The following CCT6B variants were observed in gnomAD, a reference collection of about 807,000 sequenced individuals.
The protein encoded by CCT6B is chaperonin containing TCP1 subunit 6B, also known as probable T-complex protein 1 subunit zeta-2.
In CCT6B, 49 loss-of-function variants were observed where a neutral mutation model predicts 61.5. The observed-to-expected ratio is 0.80, with a 90% CI of 0.63 to 1.01. The LOEUF is 1.01. Ranked by LOEUF, CCT6B falls within the 50% of genes least tolerant of loss-of-function variation. The pLI, the probability that CCT6B is intolerant of heterozygous loss-of-function variation, is 0.00. For missense variants in CCT6B, 666 were observed against 634.7 expected (o/e 1.05, Z -0.53); for synonymous variants, 228 against 214.5 (o/e 1.06, Z -0.55).
At chr17:34,931,920 A>C (rs1232480795) in intron 11 of CCT6B, among the ~76,000 whole-genome samples, 2 of 152,194 alleles carry the variant, frequency 1.3e-5, no homozygotes, top group Non-Finnish European at 2.9e-5. Flanking sequence ...AATTATAATG[A>C]TGATGACAAA....
chr17:34,932,261 A>C, intron 11 of CCT6B, 106 bp downstream of exon 11: 1 of 1,006,166 alleles, frequency 9.9e-7, no homozygotes, highest in Non-Finnish European at 1.4e-6. Context: ...AAGGAAATGC[A>C]CATAAATACC....
intron 10 of CCT6B, among the ~76,000 whole-genome samples, chr17:34,937,586 C>A (rs941532800): frequency 3.3e-5 from 5 of 152,024 alleles, no homozygotes; most frequent in Admixed American, 6.6e-5. Context: ...GAATCACAGA[C>A]CTAAATGTAA....
At chr17:34,952,776 A>C (rs2090306172) in intron 4 of CCT6B, among the ~76,000 whole-genome samples, 1 of 152,358 alleles carries the variant, frequency 6.6e-6, no homozygotes, top group South Asian at 2.1e-4. Context: ...CTACCCTAAA[A>C]TATACATAAA....
Position 34,939,270 on chromosome 17 carries a change from CCAACAAG to C in CCT6B, c.1119_1125del (p.Leu375LysfsTer15), listed in dbSNP as rs777459383. ...AGAGTATGCTTATTTGGTCCTTTAA[CCAACAAG>C]GTAACAGAGCAAGGGTTAACACACT... On this transcript the variant is annotated frameshift_variant, in exon 10 of 14. Transcript: ENST00000314144. LOFTEE classifies it high-confidence loss of function. 2.5e-6 allele frequency: 4 copies of C among 1,613,814 alleles called. No individual in the cohort carries two copies. The highest frequency in any genetic ancestry group is 2.2e-5 in the South Asian group (2 of 91,062).
Position 34,961,378 on chromosome 17 carries a change from C to T in CCT6B, c.16G>A (p.Ala6Thr). The change falls in exon 1 of 14, where the codon GCC (alanine) becomes ACC (threonine). Residue 6 changes from alanine to threonine, a missense_variant. Physicochemically the swap from Ala to Thr is moderately conservative, Grantham distance 58. Coordinates refer to ENST00000314144, the MANE Select transcript of CCT6B (RefSeq NM_006584.4). ...GCCACCTCAGCCTTGGAGTTGACGGCCTTTATCGCAGCCATAGCCTAACCG... is the reference window on the plus strand; with the variant it reads ...GCCACCTCAGCCTTGGAGTTGACGGTCTTTATCGCAGCCATAGCCTAACCG... MAAIK[A>T]VNSKAEVARA... 7.5e-6 allele frequency: 12 copies of T among 1,609,718 alleles called. No homozygotes were observed. The highest frequency in any genetic ancestry group is 1.0e-5 in the Non-Finnish European group (12 of 1,179,222).
chr17:34,934,625 T>C (rs1225225388), intron 10 of CCT6B, among the ~76,000 whole-genome samples: 1 of 152,180 alleles, frequency 6.6e-6, no homozygotes, highest in Non-Finnish European at 1.5e-5. Context: ...AACAAAACCT[T>C]TATAGCCCTA....
intron 10 of CCT6B, among the ~76,000 whole-genome samples, chr17:34,932,995 T>G (rs1298547737): frequency 6.6e-6 from 1 of 152,188 alleles, no homozygotes; most frequent in Non-Finnish European, 1.5e-5. Flanking sequence ...TTGGCCAGGC[T>G]GGTCTTGAAC....
chr17:34,960,131 A>G (rs964782650), intron 1 of CCT6B, among the ~76,000 whole-genome samples: 3 of 152,206 alleles, frequency 2.0e-5, no homozygotes, highest in South Asian at 2.1e-4. Flanking sequence ...TGGCATCCGG[A>G]TATCTCCAAA....
Position 34,939,229 on chromosome 17 carries a change from A to C in CCT6B, c.1167T>G (p.Asp389Glu). 2 of 1,613,980 alleles carry C rather than the reference A, an allele frequency of 1.2e-6. No individual in the cohort carries two copies. The highest frequency in any genetic ancestry group is 8.5e-7 in the Non-Finnish European group (1 of 1,179,920). The change falls in exon 10 of 14, where the codon GAT becomes GAG. Residue 389 changes from aspartate to glutamate, a missense_variant. Asp to Glu is a conservative substitution (Grantham distance 45). Coordinates refer to ENST00000314144, the MANE Select transcript of CCT6B (RefSeq NM_006584.4). ...TAGCACGAAGTCCATCTCTTATGGCATCCTTGACTTGTGTGAGAGTATGCT... is the reference window on the plus strand; with the variant it reads ...TAGCACGAAGTCCATCTCTTATGGCCTCCTTGACTTGTGTGAGAGTATGCT... ...PNKHTLTQVK[D>E]AIRDGLRAIK...
In CCT6B at chr17:34,939,645, T is replaced by A; in HGVS notation, c.1037A>T (p.His346Leu). The change falls in exon 9 of 14, where the codon CAT becomes CTT. Residue 346 changes from histidine (H) to leucine (L), a missense_variant. Transcript: ENST00000314144. ...FEDLTVDCLG[H>L]AGLVYEYTLG... ...TGTATACTCATACACAAGACCAGCA[T>A]GTCCCAAGCAATCTACAGTGAGATC... The A allele has an allele frequency of 6.2e-7, 1 of 1,611,954 alleles. No individual in the cohort carries two copies. The highest frequency in any genetic ancestry group is 1.1e-5 in the South Asian group (1 of 91,052).
At chr17:34,929,666 A>T (rs2090013200) in intron 12 of CCT6B, among the ~76,000 whole-genome samples, 1 of 151,420 alleles carries the variant, frequency 6.6e-6, no homozygotes, top group East Asian at 1.9e-4. Context: ...GGGGCCTGCC[A>T]CCATCCCCGG....
intron 5 of CCT6B, chr17:34,944,072 T>G (rs2090196972): frequency 2.0e-5 from 3 of 152,186 alleles, no homozygotes; most frequent in Admixed American, 2.0e-4. Flanking sequence ...TTTTCAAAAT[T>G]TTACTTTAAC....
intron 10 of CCT6B, among the ~76,000 whole-genome samples, chr17:34,933,864 C>T (rs1040360116): frequency 6.6e-6 from 1 of 152,108 alleles, no homozygotes; most frequent in Non-Finnish European, 1.5e-5. Flanking sequence ...TCTGGTGGCT[C>T]GCTCCTATAA....
chr17:34,943,285 A>T (rs866992872), intron 5 of CCT6B: 26 of 156,386 alleles, frequency 1.7e-4, no homozygotes, highest in South Asian at 2.0e-4. Flanking sequence ...TCAAGCCAGA[A>T]TTATTTTCTA....
chr17:34,929,148 A>G, intron 12 of CCT6B, 114 bp from the exon 13 acceptor site: 4 of 660,082 alleles, frequency 6.1e-6, no homozygotes, highest in Non-Finnish European at 8.1e-6. Flanking sequence ...CAAGGTCATC[A>G]ATGACCTCCA....
chr17:34,933,437 A>C (rs2090058804), intron 10 of CCT6B, among the ~76,000 whole-genome samples: 1 of 152,150 alleles, frequency 6.6e-6, no homozygotes, highest in Admixed American at 6.5e-5. Flanking sequence ...CTTTTATCTC[A>C]CATCATTTTA....
At chr17:34,949,582 T>A (rs2090268901) in intron 5 of CCT6B, 1 of 152,072 alleles carries the variant, frequency 6.6e-6, no homozygotes, top group South Asian at 2.1e-4. Flanking sequence ...CAACAGCTTT[T>A]AACATGTAAA....
chr17:34,939,713 T>C lies in CCT6B; in HGVS notation c.969A>G (p.Arg323=), dbSNP rs770828144. The stretch of plus-strand genomic sequence containing the variant: ...CCATTCCACCACAAGCAAGAGAGAG[T>C]CTGAAATTACATATATGTCACCATA... ...LRRAKRRNME[R]LSLACGGMAV... The change falls in exon 9 of 14, where the codon AGA becomes AGG. Residue 323 remains arginine, a splice_region_variant and synonymous_variant. Transcript: ENST00000314144. 1 of 1,597,250 alleles carries C rather than the reference T, an allele frequency of 6.3e-7. No homozygotes were observed. Among genetic ancestry groups the C allele is most frequent in the East Asian group, 2.2e-5 (1 of 44,734 alleles).
intron 10 of CCT6B, among the ~76,000 whole-genome samples, chr17:34,937,226 AT>A: frequency 6.6e-6 from 1 of 152,154 alleles, no homozygotes; most frequent in Non-Finnish European, 1.5e-5. Context: ...TGATTCTAAA[AT>A]TCATATGGAA....
Sources: allele counts gnomAD v4.1 joint callset (sites outside exome capture counted in the v4.1 genomes callset), GRCh38; gene constraint gnomAD v4.1.1; transcripts MANE v1.5; gene names NCBI Gene and HGNC (gene_info 2026-07-23, HGNC 2026-07-21).